NCKAP5: variants seen among roughly 807,000 people sequenced by gnomAD.
NCKAP5 encodes the protein NCK associated protein 5.
In NCKAP5, 92 loss-of-function variants were observed where a neutral mutation model predicts 167.0. The ratio of observed to expected loss-of-function variants is 0.55; its 90% CI spans 0.47 to 0.66. NCKAP5 has a LOEUF of 0.66. Among genes scored for constraint, NCKAP5 ranks in the 30% least tolerant of loss-of-function variants. The pLI is 0.00. For synonymous variants in NCKAP5, 891 were observed against 877.4 expected, an observed-to-expected ratio of 1.02 and a Z score of -0.27; for missense variants, 2,378 against 2,315.0, an observed-to-expected ratio of 1.03 and a Z score of -0.56.
At chr2:133,178,558 G>T (rs1434093876) in intron 5 of NCKAP5, among the ~76,000 whole-genome samples, 1 of 139,058 alleles carries the variant, frequency 7.2e-6, no homozygotes, top group African/African-American at 2.7e-5. Flanking sequence ...AGGCGCATTG[G>T]CTCACGCCTG....
chr2:133,139,757 A>G lies in NCKAP5; in HGVS notation c.208-9646T>C, dbSNP rs551684145. ...ATTAGCAATGGTTCCTTGGGTTGGA[A>G]AAGGCCTTTCCACAGGGTTTTCTAC... On this transcript the variant is annotated intron_variant, in intron 5 of 19. Transcript: ENST00000409261. Among the ~76,000 whole-genome samples the G allele has an allele frequency of 2.6e-5, 4 of 152,272 alleles. No individual in the cohort carries two copies. The South Asian group carries it at 8.3e-4, about 32-fold the overall frequency.
At chr2:133,639,412 G>T in the NCKAP5 span, among the ~76,000 whole-genome samples, 26 of 152,312 alleles carry the variant, frequency 1.7e-4, no homozygotes, top group South Asian at 5.4e-3. Flanking sequence ...ATGATCATCA[G>T]TACGGATCTC....
chr2:133,188,063 T>G (rs2085030094), intron 5 of NCKAP5, among the ~76,000 whole-genome samples: 1 of 152,126 alleles, frequency 6.6e-6, no homozygotes, highest in Non-Finnish European at 1.5e-5. Flanking sequence ...AGTTTCTTCC[T>G]GGCATCGATG....
At chr2:133,337,824 C>A (rs1008821293) in intron 3 of NCKAP5, among the ~76,000 whole-genome samples, 1 of 152,180 alleles carries the variant, frequency 6.6e-6, no homozygotes, top group African/African-American at 2.4e-5. Flanking sequence ...GCAGCCCTAG[C>A]AAACAAATAT....
intron 8 of NCKAP5, among the ~76,000 whole-genome samples, chr2:132,884,082 T>C (rs1010692338): frequency 6.6e-6 from 1 of 152,206 alleles, no homozygotes; most frequent in African/African-American, 2.4e-5. Flanking sequence ...TTCTTCAGGT[T>C]ACAGTTTTGA....
At chr2:133,459,831 A>G (rs1692092470) in intron 3 of NCKAP5, among the ~76,000 whole-genome samples, 1 of 152,194 alleles carries the variant, frequency 6.6e-6, no homozygotes, top group African/African-American at 2.4e-5. Flanking sequence ...GGAAGCACAC[A>G]CTTTCATTAG....
At chr2:133,121,363 A>G (rs1266914989) in intron 6 of NCKAP5, among the ~76,000 whole-genome samples, 2 of 152,150 alleles carry the variant, frequency 1.3e-5, no homozygotes, top group African/African-American at 4.8e-5. Context: ...TGACACTATT[A>G]AAAACACAGG....
chr2:133,153,833 CTTTTTTTTT>C (rs570596198), intron 5 of NCKAP5, among the ~76,000 whole-genome samples: 1 of 109,764 alleles, frequency 9.1e-6, no homozygotes, highest in Non-Finnish European at 1.8e-5. Context: ...GTTCCTCCTT[CTTTTTTTTT>C]TTTTTTTTTT....
intron 4 of NCKAP5, among the ~76,000 whole-genome samples, chr2:133,277,504 C>T (rs1286745363): frequency 6.6e-6 from 1 of 151,960 alleles, no homozygotes; most frequent in Non-Finnish European, 1.5e-5. Flanking sequence ...CTGTAAATCA[C>T]AAAAATAGAT....
chr2:132,706,692 G>A (rs902802366), intron 19 of NCKAP5, among the ~76,000 whole-genome samples: 1 of 151,924 alleles, frequency 6.6e-6, no homozygotes, highest in Non-Finnish European at 1.5e-5. Context: ...TTTTTGCCAG[G>A]CTCCTTTCTA....
At chr2:132,982,447 C>T (rs1429092455) in intron 7 of NCKAP5, among the ~76,000 whole-genome samples, 1 of 152,208 alleles carries the variant, frequency 6.6e-6, no homozygotes, top group African/African-American at 2.4e-5. Flanking sequence ...ACCAGCACCT[C>T]TTATACATGT....
At chr2:132,752,367 CTAAAAA>C in intron 16 of NCKAP5, among the ~76,000 whole-genome samples, 1 of 152,220 alleles carries the variant, frequency 6.6e-6, no homozygotes, top group East Asian at 1.9e-4. Context: ...CAGACTCAGT[CTAAAAA>C]GTAAAAGCAT....
chr2:133,269,090 C>G (rs139007532), intron 4 of NCKAP5: 10 of 152,326 alleles, frequency 6.6e-5, no homozygotes, highest in African/African-American at 2.2e-4. Flanking sequence ...AGTTGCATCA[C>G]AGCTAACTTA....
At chr2:132,777,631 A>G (rs1485553952) in intron 15 of NCKAP5, among the ~76,000 whole-genome samples, 9 of 152,192 alleles carry the variant, frequency 5.9e-5, no homozygotes, top group Non-Finnish European at 1.3e-4. Context: ...ACTAATTTAG[A>G]AAACTTTGCA....
chr2:132,909,358 A>ATATC (rs1421638384), intron 8 of NCKAP5, among the ~76,000 whole-genome samples: 1 of 152,106 alleles, frequency 6.6e-6, no homozygotes, highest in African/African-American at 2.4e-5. Context: ...AAAAAAAATT[A>ATATC]TATCTATCTA....
At chr2:133,513,077 A>C (rs1355698154) in intron 3 of NCKAP5, among the ~76,000 whole-genome samples, 1 of 152,220 alleles carries the variant, frequency 6.6e-6, no homozygotes, top group Non-Finnish European at 1.5e-5. Flanking sequence ...AAGAGATGGC[A>C]CACTCAAAGC....
intron 8 of NCKAP5, among the ~76,000 whole-genome samples, chr2:132,936,814 T>C (rs1696888079): frequency 6.6e-6 from 1 of 152,234 alleles, no homozygotes; most frequent in Non-Finnish European, 1.5e-5. Flanking sequence ...AATGCATATG[T>C]ATCAACTTTA....
At chr2:133,253,821 A>G (rs2088478921) in intron 4 of NCKAP5, among the ~76,000 whole-genome samples, 1 of 152,238 alleles carries the variant, frequency 6.6e-6, no homozygotes, top group Non-Finnish European at 1.5e-5. Flanking sequence ...GTGTCATCAC[A>G]AAACCACTGA....
the NCKAP5 span, among the ~76,000 whole-genome samples, chr2:133,657,478 C>T: frequency 3.8e-4 from 58 of 152,354 alleles, no homozygotes; most frequent in African/African-American, 1.1e-3. Context: ...TCTTCCCTGA[C>T]CATGGCCTTC....
Sources: gnomAD v4.1 joint callset for allele counts (sites outside exome capture counted in the v4.1 genomes callset) on GRCh38, gnomAD v4.1.1 for gene constraint, MANE v1.5 for transcripts, NCBI Gene and HGNC (gene_info 2026-07-23, HGNC 2026-07-21) for gene names.